Variants in UIMC1 observed in about 807,000 individuals in gnomAD.
The protein encoded by UIMC1 is ubiquitin interaction motif containing 1, also known as BRCA1-A complex subunit RAP80.
UIMC1 carries 42 observed loss-of-function variants against 84.9 expected under a neutral mutation model. The ratio of observed to expected loss-of-function variants is 0.49; its 90% confidence interval spans 0.39 to 0.64. UIMC1 has a LOEUF of 0.64. Among genes scored for constraint, UIMC1 ranks in the 30% least tolerant of loss-of-function variants. The probability of loss-of-function intolerance (pLI) is 0.00; values close to 1 mark genes in which losing one functional copy is unlikely to be tolerated. For synonymous variants in UIMC1, 281 were observed against 293.0 expected (o/e 0.96, Z 0.42); for missense variants, 825 against 847.6 (o/e 0.97, Z 0.33).
intron 1 of UIMC1, among the ~76,000 whole-genome samples, chr5:177,000,688 TG>T (rs886184819): frequency 7.3e-5 from 11 of 151,542 alleles, no homozygotes; most frequent in Admixed American, 1.3e-4. Flanking sequence ...TCAGTAGAGA[TG>T]GGGTTTCTCT....
At chr5:176,922,286 AC>A (rs1052451263) in intron 10 of UIMC1, among the ~76,000 whole-genome samples, 1 of 152,242 alleles carries the variant, frequency 6.6e-6, no homozygotes, top group African/African-American at 2.4e-5. Context: ...CTAAATAAAT[AC>A]CAACTGGGTT....
At chr5:176,957,336 T>C (rs1010890325) in intron 7 of UIMC1, among the ~76,000 whole-genome samples, 1 of 152,152 alleles carries the variant, frequency 6.6e-6, no homozygotes, top group Admixed American at 6.6e-5. Flanking sequence ...AACTAAGCTC[T>C]TGAGAAAGTC....
At chr5:176,940,604 C>G (rs986279316) in intron 10 of UIMC1, among the ~76,000 whole-genome samples, 6 of 152,028 alleles carry the variant, frequency 3.9e-5, no homozygotes, top group Admixed American at 1.3e-4. Flanking sequence ...GACTAAAGAG[C>G]TTTGTCAAAT....
chr5:176,905,024 G>A lies in UIMC1; in HGVS notation c.*258C>T, dbSNP rs746903881. Reference sequence around the variant, plus strand: ...AAAAAAATTAAAATTTCCATCTATTGAAATAAGATTTCGTACAAACATAAA... The same window carrying A: ...AAAAAAATTAAAATTTCCATCTATTAAAATAAGATTTCGTACAAACATAAA... On this transcript the variant is annotated 3_prime_UTR_variant, in exon 15 of 15. Transcript: ENST00000511320. 3 of 326,744 alleles carry A rather than the reference G, an allele frequency of 9.2e-6. No homozygotes were observed. Among genetic ancestry groups the A allele is most frequent in the Non-Finnish European group, 1.7e-5 (3 of 178,588 alleles). 20.2% of individuals were successfully genotyped at this position (326,744 alleles called of 1,614,324 possible). A position where few individuals can be genotyped will look rare whatever the true frequency, so the allele number is the denominator to read the frequency against.
At chr5:176,931,861 C>T (rs1763126512) in intron 10 of UIMC1, among the ~76,000 whole-genome samples, 1 of 152,120 alleles carries the variant, frequency 6.6e-6, no homozygotes. Context: ...GTAATCCCAG[C>T]TACTTGGGAG....
chr5:177,004,272 A>T (rs1774962778), intron 1 of UIMC1, among the ~76,000 whole-genome samples: 1 of 152,218 alleles, frequency 6.6e-6, no homozygotes, highest in Non-Finnish European at 1.5e-5. Flanking sequence ...TGGATCAATA[A>T]GAAGCATTAA....
intron 1 of UIMC1, among the ~76,000 whole-genome samples, chr5:177,005,279 G>T (rs756977290): frequency 6.6e-6 from 1 of 151,846 alleles, no homozygotes; most frequent in Non-Finnish European, 1.5e-5. Context: ...CTCCTATGTT[G>T]CCCAGGCGGG....
chr5:176,945,494 C>T (rs1764975058), intron 9 of UIMC1, among the ~76,000 whole-genome samples: 1 of 152,172 alleles, frequency 6.6e-6, no homozygotes, highest in Non-Finnish European at 1.5e-5. Flanking sequence ...GGTTGGACTG[C>T]TAGAACGAGT....
At chr5:177,006,896 CAGTT>C (rs1441483155), upstream of UIMC1, 1 of 152,246 alleles carries the variant, frequency 6.6e-6, no homozygotes, top group Non-Finnish European at 1.5e-5. Flanking sequence ...TGCGCGGTCT[CAGTT>C]GCTTGCGCTT....
At chr5:176,943,305 AAG>A (rs776872461) in intron 10 of UIMC1, 28 bp downstream of exon 10, 18 of 1,603,546 alleles carry the variant, frequency 1.1e-5, no homozygotes, top group Non-Finnish European at 1.5e-5. Flanking sequence ...ACAAAAAAGT[AAG>A]AGTTTGGCTG....
chr5:176,929,916 A>AT (rs1762881663), intron 10 of UIMC1, among the ~76,000 whole-genome samples: 1 of 152,226 alleles, frequency 6.6e-6, no homozygotes, highest in African/African-American at 2.4e-5. Flanking sequence ...GGATATTGTC[A>AT]TCAGAACCTA....
At position 176,968,753 on chromosome 5, in the gene UIMC1, A is replaced by G; in HGVS notation, c.1002T>C (p.Asn334=). The change falls in exon 6 of 15, where the codon AAT becomes AAC. Residue 334 remains asparagine, a synonymous_variant. Coordinates refer to ENST00000511320, the MANE Select transcript of UIMC1 (RefSeq NM_001199298.2). The stretch of plus-strand genomic sequence containing the variant: ...TAGCCTGCTCTCCTTGGCCACATTC[A>G]TTCTGGATCAGAGAAGGAGGTCTAG... ...VLPRPPSLIQ[N]ECGQGEQASE... The G allele has an allele frequency of 1.2e-6, 2 of 1,614,126 alleles. No individual in the cohort carries two copies. Among genetic ancestry groups the G allele is most frequent in the African/African-American group, 1.3e-5 (1 of 75,010 alleles).
chr5:176,987,263 C>G (rs1457081808), intron 1 of UIMC1, among the ~76,000 whole-genome samples: 3 of 152,084 alleles, frequency 2.0e-5, no homozygotes, highest in African/African-American at 7.2e-5. Context: ...GTTATCTTGC[C>G]TTGTATCAAT....
chr5:176,925,811 T>G (rs1178778349), intron 10 of UIMC1, among the ~76,000 whole-genome samples: 1 of 152,184 alleles, frequency 6.6e-6, no homozygotes, highest in Non-Finnish European at 1.5e-5. Context: ...GTGATATTAA[T>G]GCTCCGTGTC....
chr5:176,906,836 G>A (rs1188689632), intron 13 of UIMC1, among the ~76,000 whole-genome samples: 1 of 152,242 alleles, frequency 6.6e-6, no homozygotes, highest in African/African-American at 2.4e-5. Flanking sequence ...CTTGGGGCTT[G>A]TCGTATTCCC....
intron 6 of UIMC1, among the ~76,000 whole-genome samples, chr5:176,961,951 G>A (rs1248252321): frequency 3.9e-4 from 22 of 56,224 alleles, no homozygotes; most frequent in South Asian, 8.0e-4. Context: ...TGGGGGTGTC[G>A]GCCCCCCGCC....
chr5:177,013,296 G>T (rs1456757367), intron 1 of UIMC1, among the ~76,000 whole-genome samples: 1 of 151,406 alleles, frequency 6.6e-6, no homozygotes, highest in Non-Finnish European at 1.5e-5. Context: ...AGGAGGCGGA[G>T]GTTGCAGTGA....
intron 1 of UIMC1, among the ~76,000 whole-genome samples, chr5:177,013,208 T>C (rs528349535): frequency 6.6e-6 from 1 of 151,804 alleles, no homozygotes; most frequent in Admixed American, 6.6e-5. Flanking sequence ...TAAAAATACA[T>C]AAATTAGCCG....
intron 8 of UIMC1, among the ~76,000 whole-genome samples, chr5:176,954,138 C>T (rs1289819760): frequency 1.3e-5 from 2 of 152,174 alleles, no homozygotes; most frequent in Non-Finnish European, 2.9e-5. Context: ...TATCTAACCT[C>T]AGTATGAAGG....
Sources: gnomAD v4.1 joint callset for allele counts (sites outside exome capture counted in the v4.1 genomes callset) on GRCh38, gnomAD v4.1.1 for gene constraint, MANE v1.5 for transcripts, NCBI Gene and HGNC (gene_info 2026-07-23, HGNC 2026-07-21) for gene names.